PDE4D: variants seen among roughly 807,000 people sequenced by gnomAD.
The protein encoded by PDE4D is phosphodiesterase 4D, also known as 3',5'-cyclic-AMP phosphodiesterase 4D.
Under a neutral mutation model 87.4 loss-of-function variants are expected in PDE4D, and 24 were observed. The ratio of observed to expected loss-of-function variants is 0.27; its 90% CI spans 0.20 to 0.39. PDE4D has a LOEUF of 0.39. Ranked by LOEUF, PDE4D falls within the 10% of genes least tolerant of loss-of-function variation. PDE4D has a pLI of 1.00. For missense variants in PDE4D, 714 were observed against 1,041.0 expected (o/e 0.69, Z 4.32); for synonymous variants, 384 against 383.2 (o/e 1.00, Z -0.02).
At chr5:59,247,476 G>A (rs548310219) in intron 1 of PDE4D, among the ~76,000 whole-genome samples, 1 of 152,238 alleles carries the variant, frequency 6.6e-6, no homozygotes, top group East Asian at 1.9e-4. Context: ...CACTTTAGGA[G>A]AGGTGAATAT....
intron 3 of PDE4D, among the ~76,000 whole-genome samples, chr5:59,909,692 G>A (rs1224331919): frequency 6.6e-6 from 1 of 152,014 alleles, no homozygotes; most frequent in African/African-American, 2.4e-5. Flanking sequence ...GCCCTTAGGT[G>A]GCACATTAAA....
chr5:60,454,868 G>A (rs192151450), intron 1 of PDE4D, among the ~76,000 whole-genome samples: 3 of 152,096 alleles, frequency 2.0e-5, no homozygotes, highest in East Asian at 1.9e-4. Context: ...ACACAAAGAC[G>A]AAGCGGCACA....
intron 2 of PDE4D, among the ~76,000 whole-genome samples, chr5:59,989,255 A>T (rs1443394072): frequency 6.6e-6 from 1 of 151,724 alleles, no homozygotes; most frequent in Non-Finnish European, 1.5e-5. Context: ...TAAATACTGT[A>T]GGCAATTATA....
intron 1 of PDE4D, among the ~76,000 whole-genome samples, chr5:60,349,885 G>A (rs758578640): frequency 6.6e-6 from 1 of 152,106 alleles, no homozygotes; most frequent in Non-Finnish European, 1.5e-5. Flanking sequence ...AGTGGATTGG[G>A]AAGCAATTGT....
At chr5:59,407,790 G>A (rs1423168358) in intron 1 of PDE4D, among the ~76,000 whole-genome samples, 4 of 152,220 alleles carry the variant, frequency 2.6e-5, no homozygotes, top group Non-Finnish European at 2.9e-5. Context: ...GAACTTAAGA[G>A]TTAATGACTT....
chr5:59,417,091 T>C (rs1257262553), intron 1 of PDE4D, among the ~76,000 whole-genome samples: 6 of 152,188 alleles, frequency 3.9e-5, no homozygotes, highest in African/African-American at 1.4e-4. Flanking sequence ...TTTTAATTTC[T>C]AGGTATTATT....
intron 1 of PDE4D, among the ~76,000 whole-genome samples, chr5:60,191,509 C>T (rs572738529): frequency 2.6e-5 from 4 of 152,260 alleles, no homozygotes; most frequent in Admixed American, 6.5e-5. Context: ...GCTTCCCCTT[C>T]GCCTTTCAAC....
At chr5:59,175,479 T>C (rs1200732643) in intron 5 of PDE4D, among the ~76,000 whole-genome samples, 30,015 of 124,668 alleles carry the variant, frequency 0.24, 3,995 homozygotes, top group African/African-American at 0.35. Flanking sequence ...TTCTTTTTTT[T>C]TTTTTTTTTT....
intron 1 of PDE4D, among the ~76,000 whole-genome samples, chr5:59,667,783 C>T (rs1183462721): frequency 6.6e-6 from 1 of 152,184 alleles, no homozygotes; most frequent in African/African-American, 2.4e-5. Context: ...GTCTAACCCA[C>T]TAGTCTTATA....
chr5:59,487,281 C>T (rs146436568), intron 1 of PDE4D, among the ~76,000 whole-genome samples: 5 of 152,278 alleles, frequency 3.3e-5, no homozygotes, highest in African/African-American at 1.2e-4. Flanking sequence ...GTGAGCGAAA[C>T]TTCTACTGGG....
chr5:59,350,334 A>G (rs908922001), intron 1 of PDE4D, among the ~76,000 whole-genome samples: 3 of 152,140 alleles, frequency 2.0e-5, no homozygotes, highest in Admixed American at 1.3e-4. Flanking sequence ...ACATTGGAAC[A>G]AAGATTTTCA....
chr5:60,427,295 T>C (rs114403940), intron 1 of PDE4D, among the ~76,000 whole-genome samples: 14 of 152,216 alleles, frequency 9.2e-5, no homozygotes, highest in Non-Finnish European at 1.8e-4. Flanking sequence ...GAGGAAATAT[T>C]AAGGGCATCC....
At chr5:59,697,160 G>A (rs1017392418) in intron 1 of PDE4D, among the ~76,000 whole-genome samples, 4 of 152,160 alleles carry the variant, frequency 2.6e-5, no homozygotes, top group Non-Finnish European at 5.9e-5. Context: ...ACACTGAGCA[G>A]ACTGAATAAA....
chr5:59,871,814 G>T (rs1026320499), intron 1 of PDE4D, among the ~76,000 whole-genome samples: 2 of 152,064 alleles, frequency 1.3e-5, no homozygotes, highest in Non-Finnish European at 2.9e-5. Context: ...GGACTAGTTG[G>T]ACAATTCTAG....
At chr5:59,043,142 TTG>T in intron 5 of PDE4D, among the ~76,000 whole-genome samples, 1 of 152,324 alleles carries the variant, frequency 6.6e-6, no homozygotes, top group East Asian at 1.9e-4. Flanking sequence ...GATAGACCTA[TTG>T]GTATACATGA....
At chr5:59,203,410 C>T (rs1288966667) in intron 2 of PDE4D, among the ~76,000 whole-genome samples, 1 of 151,806 alleles carries the variant, frequency 6.6e-6, no homozygotes, top group Non-Finnish European at 1.5e-5. Flanking sequence ...AGTACAGTCA[C>T]TATGGAAAAC....
At chr5:60,188,978 C>T (rs1038258870) in intron 1 of PDE4D, among the ~76,000 whole-genome samples, 2 of 152,190 alleles carry the variant, frequency 1.3e-5, no homozygotes, top group African/African-American at 4.8e-5. Flanking sequence ...AAAAGGTTGA[C>T]TCTCAGGAAG....
At chr5:60,189,090 C>T (rs182145163) in intron 1 of PDE4D, among the ~76,000 whole-genome samples, 144 of 152,206 alleles carry the variant, frequency 9.5e-4, no homozygotes, top group African/African-American at 3.3e-3. Context: ...GAAAGCCAGG[C>T]GAGAGAACAC....
intron 1 of PDE4D, among the ~76,000 whole-genome samples, chr5:59,384,923 T>G (rs1786673768): frequency 6.6e-6 from 1 of 152,114 alleles, no homozygotes; most frequent in Non-Finnish European, 1.5e-5. Context: ...TTACATATTT[T>G]TACTATATAT....
Sources: gnomAD v4.1 joint callset for allele counts (sites outside exome capture counted in the v4.1 genomes callset) on GRCh38, gnomAD v4.1.1 for gene constraint, MANE v1.5 for transcripts, NCBI Gene and HGNC (gene_info 2026-07-23, HGNC 2026-07-21) for gene names.